Variants in LETMD1 observed in about 807,000 individuals in gnomAD.
LETMD1 encodes the protein LETM1 domain-containing protein 1.
Under a neutral mutation model 43.9 loss-of-function variants are expected in LETMD1, and 30 were observed. The observed-to-expected ratio is 0.68, with a 90% CI of 0.51 to 0.93. The LOEUF is 0.93. Among genes scored for constraint, LETMD1 ranks in the 40% least tolerant of loss-of-function variants. The pLI is 0.00. For missense variants in LETMD1, 413 were observed against 447.7 expected (o/e 0.92, Z 0.70); for synonymous variants, 176 against 163.1 (o/e 1.08, Z -0.60).
chr12:51,058,086 A>C lies in LETMD1; in HGVS notation c.970A>C (p.Thr324Pro). 3.7e-6 allele frequency: 6 copies of C among 1,613,930 alleles called. No homozygotes were observed. Among genetic ancestry groups the C allele is most frequent in the Non-Finnish European group, 5.1e-6 (6 of 1,179,796 alleles). ...STHIGEDRCR[T>P]WLGEWLQISC... ...GCATATTGGTGAAGATAGGTGTCGA[A>C]CTTGGCTGGGAGAATGGCTGCAGAT... Residue 324 changes from threonine to proline, a missense_variant, in exon 8 of 9, where the codon ACT becomes CCT. Physicochemically the swap from Thr to Pro is conservative, Grantham distance 38 (BLOSUM62 -1). Coordinates refer to ENST00000262055, the MANE Select transcript of LETMD1 (RefSeq NM_015416.5).
intron 1 of LETMD1, 130 bp from the exon 2 acceptor site, chr12:51,048,904 C>T: frequency 2.2e-6 from 2 of 889,710 alleles, no homozygotes; most frequent in Non-Finnish European, 3.4e-6. Context: ...ACCCCAAGAC[C>T]TTCCTTGGAT....
intron 3 of LETMD1, among the ~76,000 whole-genome samples, chr12:51,052,696 G>A (rs1415777597): frequency 2.6e-5 from 4 of 151,860 alleles, no homozygotes; most frequent in Admixed American, 1.3e-4. Context: ...CAGGAGAATC[G>A]TTTGAACCCG....
At chr12:51,055,296 C>T (rs1313739184) in intron 4 of LETMD1, among the ~76,000 whole-genome samples, 1 of 152,090 alleles carries the variant, frequency 6.6e-6, no homozygotes, top group Non-Finnish European at 1.5e-5. Context: ...CTAGTCCTTC[C>T]TTTCACATCC....
intron 2 of LETMD1, among the ~76,000 whole-genome samples, chr12:51,049,770 T>C (rs777494744): frequency 6.6e-6 from 1 of 152,248 alleles, no homozygotes; most frequent in Non-Finnish European, 1.5e-5. Flanking sequence ...CCCTCTTTCC[T>C]TGGTTTTCTT....
chr12:51,067,069 T>C, the LETMD1 span, among the ~76,000 whole-genome samples: 1 of 152,098 alleles, frequency 6.6e-6, no homozygotes, highest in African/African-American at 2.4e-5. The surrounding 1 kb of genome is among the most constrained non-coding windows in gnomAD (Gnocchi z 4.1). Flanking sequence ...GGAAGCAATC[T>C]GCCTGCCTGC....
chr12:51,059,333 A>G lies in LETMD1; in HGVS notation c.1013-28A>G, dbSNP rs761027269. ...AGGCAGTTATAAGGCAGTGTTCCCA[A>G]GCCAAACCACTAACACTGTGTTTTC... On this transcript the variant is annotated intron_variant, in intron 8 of 8. Coordinates refer to ENST00000262055, the MANE Select transcript of LETMD1 (RefSeq NM_015416.5). The G allele has an allele frequency of 6.8e-6, 11 of 1,610,368 alleles. No homozygotes were observed. The East Asian group carries it at 2.2e-4, about 33-fold the overall frequency.
Position 51,049,116 on chromosome 12 carries a change from G to T in LETMD1, c.205G>T (p.Gly69Trp), listed in dbSNP as rs753671576. The T allele has an allele frequency of 1.9e-6, 3 of 1,613,888 alleles. No homozygotes were observed. In the Admixed American group the frequency reaches 5.0e-5, roughly 27 times the overall value. ...GGTAACCAAGACAAAAGCGATTAAT[G>T]GGAAATACCATCGTTTCTTGGGTCG... Reference protein sequence around the residue: ...YVVTKTKAINGKYHRFLGRHF... With the variant: ...YVVTKTKAINWKYHRFLGRHF... The change falls in exon 2 of 9, where the codon GGG becomes TGG. Residue 69 changes from glycine to tryptophan, a missense_variant. Coordinates refer to ENST00000262055, the MANE Select transcript of LETMD1 (RefSeq NM_015416.5).
chr12:51,060,893 TTC>T (rs1948802663), downstream of LETMD1, among the ~76,000 whole-genome samples: 1 of 139,850 alleles, frequency 7.2e-6, no homozygotes, highest in Admixed American at 7.1e-5. Flanking sequence ...CAGAATGAGA[TTC>T]TGTCTCAAAA....
chr12:51,064,326 G>A (rs753102148), downstream of LETMD1: 55 of 1,614,020 alleles, frequency 3.4e-5, no homozygotes, highest in Admixed American at 5.0e-5. Context: ...CTCGATGCTC[G>A]AGTCCAGGCT....
intron 3 of LETMD1, among the ~76,000 whole-genome samples, chr12:51,053,003 T>G (rs1946602816): frequency 6.6e-6 from 1 of 151,254 alleles, no homozygotes; most frequent in Admixed American, 6.6e-5. Flanking sequence ...TCCCAGCTAC[T>G]CGGGAGGCTG....
intron 4 of LETMD1, 97 bp downstream of exon 4, chr12:51,053,957 A>G: frequency 1.2e-6 from 1 of 814,478 alleles, no homozygotes; most frequent in East Asian, 2.5e-5. Flanking sequence ...GAAGATAGGC[A>G]GAGGTTATCA....
intron 2 of LETMD1, among the ~76,000 whole-genome samples, chr12:51,051,014 CAA>C (rs1182336716): frequency 1.7e-5 from 2 of 119,066 alleles, no homozygotes; most frequent in Admixed American, 8.4e-5. Context: ...ACTCCCATCT[CAA>C]AAAAAAAAAG....
intron 6 of LETMD1, 43 bp from the exon 7 acceptor site, chr12:51,056,307 C>G: frequency 6.2e-7 from 1 of 1,613,784 alleles, no homozygotes; most frequent in Non-Finnish European, 8.5e-7. Context: ...TTTGCTTGAG[C>G]TCATACTATT....
chr12:51,058,292 CG>C (rs1948309919), intron 8 of LETMD1, 164 bp downstream of exon 8: 1 of 620,222 alleles, frequency 1.6e-6, no homozygotes, highest in South Asian at 1.9e-5. Context: ...CGGCAGGTAA[CG>C]AAGTAGGCCA....
At chr12:51,051,270 G>A (rs930388506) in intron 2 of LETMD1, among the ~76,000 whole-genome samples, 2 of 151,802 alleles carry the variant, frequency 1.3e-5, no homozygotes, top group Non-Finnish European at 2.9e-5. Flanking sequence ...CAGGTGTGGT[G>A]ATGGGCACCT....
chr12:51,061,296 T>C (rs562441682), downstream of LETMD1: 5 of 152,762 alleles, frequency 3.3e-5, no homozygotes, highest in East Asian at 9.6e-4. Context: ...GAAAAAATTA[T>C]TTTCAGAGAA....
chr12:51,053,336 C>T (rs1470755711), intron 3 of LETMD1, among the ~76,000 whole-genome samples: 4 of 152,096 alleles, frequency 2.6e-5, no homozygotes, highest in Non-Finnish European at 5.9e-5. Context: ...ACTAACCATC[C>T]AGAAGTAAAT....
At chr12:51,065,308 AC>A (rs1938053563), downstream of LETMD1, among the ~76,000 whole-genome samples, 1 of 152,198 alleles carries the variant, frequency 6.6e-6, no homozygotes, top group Non-Finnish European at 1.5e-5. Flanking sequence ...AAGATAATTA[AC>A]TTACAGACCA....
At chr12:51,057,235 C>CA (rs1182642768) in intron 7 of LETMD1, among the ~76,000 whole-genome samples, 2 of 151,010 alleles carry the variant, frequency 1.3e-5, no homozygotes, top group African/African-American at 2.4e-5. Flanking sequence ...GACTCTGTCT[C>CA]AAAAAAAACC....
Sources: allele counts gnomAD v4.1 joint callset (sites outside exome capture counted in the v4.1 genomes callset), GRCh38; gene constraint gnomAD v4.1.1; non-coding constraint Gnocchi (gnomAD v3.1); transcripts MANE v1.5; gene names NCBI Gene and HGNC (gene_info 2026-07-23, HGNC 2026-07-21).